Variants in CSMD1 observed in about 807,000 individuals in gnomAD.
CSMD1 encodes CUB and Sushi multiple domains 1, also known as CUB and sushi domain-containing protein 1.
A neutral mutation model predicts 417.5 loss-of-function variants in CSMD1; 213 were observed. The ratio of observed to expected loss-of-function variants is 0.51; its 90% CI spans 0.46 to 0.57. The LOEUF is 0.57. Among genes scored for constraint, CSMD1 ranks in the 20% least tolerant of loss-of-function variants. CSMD1 has a pLI of 0.00. For missense variants in CSMD1, 6,923 were observed against 4,529.7 expected (o/e 1.53, Z -15.17); for synonymous variants, 2,862 against 1,736.8 (o/e 1.65, Z -16.11).
At chr8:4,808,647 C>A (rs1364716541) in intron 1 of CSMD1, among the ~76,000 whole-genome samples, 1 of 152,150 alleles carries the variant, frequency 6.6e-6, no homozygotes, top group Non-Finnish European at 1.5e-5. Flanking sequence ...ATACCAACAG[C>A]CTTTGGACAA....
intron 3 of CSMD1, among the ~76,000 whole-genome samples, chr8:4,347,272 A>G (rs571328082): frequency 6.6e-6 from 1 of 152,106 alleles, no homozygotes; most frequent in South Asian, 2.1e-4. Context: ...GGGTAATCTC[A>G]CCTTGGCCCT....
At chr8:4,504,747 C>T (rs927458522) in intron 2 of CSMD1, among the ~76,000 whole-genome samples, 2 of 152,080 alleles carry the variant, frequency 1.3e-5, no homozygotes, top group Admixed American at 6.6e-5. Context: ...GTTTTCTGTT[C>T]CTGTGTTAGT....
intron 3 of CSMD1, among the ~76,000 whole-genome samples, chr8:4,202,011 G>A (rs1449519621): frequency 6.6e-6 from 1 of 152,096 alleles, no homozygotes; most frequent in Non-Finnish European, 1.5e-5. Context: ...TACTCTGGAT[G>A]AGAAGAAACG....
chr8:3,668,582 A>C (rs1418308583), intron 7 of CSMD1, among the ~76,000 whole-genome samples: 1 of 152,096 alleles, frequency 6.6e-6, no homozygotes, highest in Non-Finnish European at 1.5e-5. Flanking sequence ...CCTGGTCCTT[A>C]CTACAGAAAA....
intron 3 of CSMD1, among the ~76,000 whole-genome samples, chr8:4,242,080 G>A (rs1284819514): frequency 6.6e-6 from 1 of 152,012 alleles, no homozygotes; most frequent in Admixed American, 6.6e-5. Flanking sequence ...TTATCACCAG[G>A]CAGAATTTTT....
intron 1 of CSMD1, among the ~76,000 whole-genome samples, chr8:4,750,534 T>A (rs1237023185): frequency 9.9e-5 from 15 of 152,180 alleles, no homozygotes; most frequent in Admixed American, 9.8e-4. Flanking sequence ...TTCCTATATT[T>A]TGAAAATTTT....
intron 41 of CSMD1, among the ~76,000 whole-genome samples, chr8:3,124,506 C>A (rs1817384108): frequency 6.6e-6 from 1 of 152,150 alleles, no homozygotes; most frequent in Non-Finnish European, 1.5e-5. Flanking sequence ...GAAAGGCAGG[C>A]TTTTCAGCCA....
chr8:3,643,055 G>T (rs533264491), intron 7 of CSMD1, among the ~76,000 whole-genome samples: 1 of 152,090 alleles, frequency 6.6e-6, no homozygotes, highest in Non-Finnish European at 1.5e-5. Flanking sequence ...TCCTGTGCAT[G>T]TGAGTGTCGA....
chr8:3,942,037 C>T (rs78246747), intron 5 of CSMD1, among the ~76,000 whole-genome samples: 10,055 of 151,894 alleles, frequency 0.066, 449 homozygotes, highest in East Asian at 0.22. Flanking sequence ...CTTATAGGCG[C>T]GCAAACCCTA....
At chr8:4,525,289 G>A (rs1184181200) in intron 2 of CSMD1, among the ~76,000 whole-genome samples, 1 of 152,094 alleles carries the variant, frequency 6.6e-6, no homozygotes, top group African/African-American at 2.4e-5. Flanking sequence ...CTGTAGTATG[G>A]TCTGTAGGTA....
intron 12 of CSMD1, among the ~76,000 whole-genome samples, chr8:3,448,935 G>A (rs1585180446): frequency 6.6e-6 from 1 of 152,178 alleles, no homozygotes; most frequent in African/African-American, 2.4e-5. Flanking sequence ...CTTCCCCCAA[G>A]AGTAAATGTA....
intron 1 of CSMD1, among the ~76,000 whole-genome samples, chr8:4,751,377 C>G (rs1158398278): frequency 6.7e-6 from 1 of 149,598 alleles, no homozygotes. Context: ...GACGACAGAG[C>G]AAGACTCTGT....
At chr8:3,051,814 T>C (rs1244593990) in intron 50 of CSMD1, among the ~76,000 whole-genome samples, 2 of 152,308 alleles carry the variant, frequency 1.3e-5, no homozygotes, top group East Asian at 1.9e-4. Flanking sequence ...AAATTTAGTG[T>C]GTATGTGAGT....
intron 2 of CSMD1, among the ~76,000 whole-genome samples, chr8:4,588,487 C>A (rs1799815921): frequency 6.6e-6 from 1 of 151,752 alleles, no homozygotes; most frequent in Admixed American, 6.6e-5. Flanking sequence ...CTGATGTTTT[C>A]TTTCCTGTTT....
intron 5 of CSMD1, among the ~76,000 whole-genome samples, chr8:3,830,348 A>G (rs1261902244): frequency 6.6e-6 from 1 of 152,222 alleles, no homozygotes; most frequent in African/African-American, 2.4e-5. Flanking sequence ...GTTGGTTCAC[A>G]TCTCTGCTCA....
chr8:2,999,280 C>T (rs1465008863), intron 53 of CSMD1, among the ~76,000 whole-genome samples: 1 of 151,464 alleles, frequency 6.6e-6, no homozygotes, highest in African/African-American at 2.4e-5. Context: ...TCAGCCCCTC[C>T]TAGTAGCTGG....
chr8:3,240,910 C>T (rs181424845), intron 26 of CSMD1, among the ~76,000 whole-genome samples: 17 of 151,930 alleles, frequency 1.1e-4, no homozygotes, highest in African/African-American at 3.1e-4. Context: ...CTGTAGCAGG[C>T]AAGTGATAAC....
intron 20 of CSMD1, among the ~76,000 whole-genome samples, chr8:3,365,688 G>A (rs1046633811): frequency 2.0e-5 from 3 of 152,214 alleles, no homozygotes; most frequent in African/African-American, 7.2e-5. Context: ...TTAATTGACT[G>A]TAGGCTTTTG....
intron 5 of CSMD1, among the ~76,000 whole-genome samples, chr8:3,827,527 G>A (rs1802123639): frequency 1.3e-5 from 2 of 152,102 alleles, no homozygotes; most frequent in South Asian, 2.1e-4. Flanking sequence ...GTTTCCCCAA[G>A]GCACTGTCAT....
Sources: allele counts gnomAD v4.1 joint callset (sites outside exome capture counted in the v4.1 genomes callset), GRCh38; gene constraint gnomAD v4.1.1; transcripts MANE v1.5; gene names NCBI Gene and HGNC (gene_info 2026-07-23, HGNC 2026-07-21).